Variants in C11orf65 observed in about 807,000 individuals in gnomAD.
C11orf65 encodes chromosome 11 open reading frame 65.
C11orf65 carries 38 observed loss-of-function variants against 35.3 expected under a neutral mutation model. The observed-to-expected ratio is 1.08, with a 90% confidence interval of 0.83 to 1.41. C11orf65 has a LOEUF of 1.41. C11orf65 is among the 40% of genes most tolerant of loss of function. The probability of loss-of-function intolerance (pLI) is 0.00; values close to 1 mark genes in which losing one functional copy is unlikely to be tolerated. For missense variants in C11orf65, 370 were observed against 367.1 expected (o/e 1.01, Z -0.06); for synonymous variants, 105 against 114.4 (o/e 0.92, Z 0.53).
At chr11:108,398,214 CT>C (rs1347310486) in intron 6 of C11orf65, among the ~76,000 whole-genome samples, 1 of 151,814 alleles carries the variant, frequency 6.6e-6, no homozygotes, top group Non-Finnish European at 1.5e-5. Flanking sequence ...GACCAGGAAA[CT>C]AATTAGAAGG....
chr11:108,374,653 T>C (rs1268638764), intron 2 of C11orf65, among the ~76,000 whole-genome samples: 7 of 152,040 alleles, frequency 4.6e-5, no homozygotes, highest in Non-Finnish European at 7.4e-5. Context: ...CTTTGACGAG[T>C]TGAGAGAAGA....
chr11:108,439,282 T>C (rs1591557000), intron 2 of C11orf65, among the ~76,000 whole-genome samples: 1 of 152,348 alleles, frequency 6.6e-6, no homozygotes, highest in East Asian at 1.9e-4. Context: ...TGCAATGAGA[T>C]ACGACTTAAC....
chr11:108,447,483 C>T (rs1161530824), intron 2 of C11orf65, among the ~76,000 whole-genome samples: 1 of 152,096 alleles, frequency 6.6e-6, no homozygotes, highest in Non-Finnish European at 1.5e-5. Flanking sequence ...AAGAATCTCA[C>T]TCAAAACCGC....
chr11:108,367,512 C>G (rs1323986602), intron 2 of C11orf65: 2 of 205,354 alleles, frequency 9.7e-6, no homozygotes, highest in African/African-American at 2.3e-5. Flanking sequence ...GAAAGTAAAA[C>G]TACTGACTCG....
rs145660045 is a variant in C11orf65, at chr11:108,388,214, C to T, written c.732-2239G>A. Among the ~76,000 whole-genome samples the T allele has an allele frequency of 7.7e-4, 117 of 152,290 alleles. 1 individual carries two copies. In the East Asian group the frequency reaches 0.02, roughly 25 times the overall value. ...TCTGGGGCACAAACACTTACCATAG[C>T]TAGGCCCCATCACTGTCCCTGCTTT... On this transcript the variant is annotated intron_variant, in intron 7 of 8. Coordinates refer to ENST00000393084, the MANE Select transcript of C11orf65 (RefSeq NM_152587.5).
intron 8 of C11orf65, among the ~76,000 whole-genome samples, chr11:108,384,447 G>A (rs1231635120): frequency 6.6e-6 from 1 of 152,102 alleles, no homozygotes; most frequent in Non-Finnish European, 1.5e-5. Flanking sequence ...TTTTACTAGT[G>A]AAGAAACCGA....
intron 2 of C11orf65, among the ~76,000 whole-genome samples, chr11:108,343,834 T>A (rs1469898658): frequency 6.6e-6 from 1 of 152,156 alleles, no homozygotes; most frequent in Admixed American, 6.5e-5. Flanking sequence ...AGTAATTTTT[T>A]ATGAAACTGA....
In C11orf65 at chr11:108,393,105, T is replaced by C. The variant is rs1467322795; in HGVS notation, c.731+103A>G. ...TAGATACTCGGGTTTTTTTTTTCTT[T>C]GAAGATTGTTTGTGGCCCCAAGATT... On this transcript the variant is annotated intron_variant, in intron 7 of 8. Coordinates refer to ENST00000393084, the MANE Select transcript of C11orf65 (RefSeq NM_152587.5). 9 of 1,294,940 alleles carry C rather than the reference T, an allele frequency of 7.0e-6. No homozygotes were observed. In the Admixed American group the frequency reaches 1.1e-4, roughly 16 times the overall value. 80.2% of individuals were successfully genotyped at this position (1,294,940 alleles called of 1,614,324 possible).
At chr11:108,313,425 A>G (rs1379087789) in intron 6 of C11orf65, among the ~76,000 whole-genome samples, 2 of 151,774 alleles carry the variant, frequency 1.3e-5, no homozygotes, top group African/African-American at 4.8e-5. Context: ...CCCCCCTTCC[A>G]TTTATTCCAG....
intron 2 of C11orf65, among the ~76,000 whole-genome samples, chr11:108,457,150 G>A (rs2093419154): frequency 6.6e-6 from 1 of 151,918 alleles, no homozygotes; most frequent in African/African-American, 2.4e-5. Flanking sequence ...AAACCAATAA[G>A]GTAATAAAAT....
downstream of C11orf65, among the ~76,000 whole-genome samples, chr11:108,379,534 A>C (rs1458114783): frequency 6.6e-6 from 1 of 151,836 alleles, no homozygotes; most frequent in Non-Finnish European, 1.5e-5. Flanking sequence ...CTAAATGACG[A>C]GTTAATGGGT....
At chr11:108,330,045 C>T (rs1406482752), downstream of C11orf65, among the ~76,000 whole-genome samples, 3 of 152,178 alleles carry the variant, frequency 2.0e-5, no homozygotes, top group African/African-American at 7.2e-5. Flanking sequence ...GTGTGAATTG[C>T]ACAGTTAAGA....
At chr11:108,373,796 C>T (rs2091638425) in intron 2 of C11orf65, among the ~76,000 whole-genome samples, 2 of 152,214 alleles carry the variant, frequency 1.3e-5, no homozygotes, top group Admixed American at 6.5e-5. Context: ...ACAGACGGCA[C>T]CTGGAAAATC....
intron 6 of C11orf65, chr11:108,326,035 C>A (rs2085642148): frequency 1.2e-6 from 2 of 1,611,458 alleles, no homozygotes; most frequent in South Asian, 1.1e-5. Context: ...AGTATTTATT[C>A]CCATATGTCA....
At chr11:108,409,689 CTG>C (rs2138713531) in intron 3 of C11orf65, among the ~76,000 whole-genome samples, 1 of 152,210 alleles carries the variant, frequency 6.6e-6, no homozygotes, top group East Asian at 1.9e-4. Context: ...CCTGTTAAGA[CTG>C]GGCCACACAG....
At chr11:108,418,381 G>A (rs1157690849) in intron 3 of C11orf65, among the ~76,000 whole-genome samples, 1 of 151,848 alleles carries the variant, frequency 6.6e-6, no homozygotes, top group East Asian at 1.9e-4. Flanking sequence ...CAAGATAAGG[G>A]CTGACAACAA....
intron 3 of C11orf65, among the ~76,000 whole-genome samples, chr11:108,427,742 AAAAG>A (rs1362770164): frequency 6.8e-6 from 1 of 146,162 alleles, no homozygotes; most frequent in Non-Finnish European, 1.5e-5. Flanking sequence ...AAAAAAAAAA[AAAAG>A]CTCATCATTA....
intron 2 of C11orf65, among the ~76,000 whole-genome samples, chr11:108,353,493 C>T (rs759928300): frequency 1.4e-4 from 22 of 152,018 alleles, no homozygotes; most frequent in Non-Finnish European, 3.1e-4. Context: ...TTAAATTATA[C>T]CAGTAGTTAC....
chr11:108,310,637 T>C (rs939885391), intron 6 of C11orf65, among the ~76,000 whole-genome samples: 2 of 152,114 alleles, frequency 1.3e-5, no homozygotes, highest in African/African-American at 2.4e-5. Flanking sequence ...GTGATAAATA[T>C]TTTTCAAATG....
Sources: allele counts gnomAD v4.1 joint callset (sites outside exome capture counted in the v4.1 genomes callset), GRCh38; gene constraint gnomAD v4.1.1; transcripts MANE v1.5; gene names NCBI Gene and HGNC (gene_info 2026-07-23, HGNC 2026-07-21).